Variants in ENPP6 observed in about 807,000 individuals in gnomAD.
ENPP6 encodes ectonucleotide pyrophosphatase/phosphodiesterase 6, also known as glycerophosphocholine cholinephosphodiesterase ENPP6.
A neutral mutation model predicts 42.0 loss-of-function variants in ENPP6; 32 were observed. The ratio of observed to expected loss-of-function variants is 0.76; its 90% CI spans 0.58 to 1.02. The LOEUF is 1.02. ENPP6 is among the 50% of genes least tolerant of loss of function. ENPP6 has a pLI of 0.00. For missense variants in ENPP6, 552 were observed against 566.8 expected (o/e 0.97, Z 0.27); for synonymous variants, 213 against 216.0 (o/e 0.99, Z 0.12).
At chr4:184,217,310 A>G (rs1449407832) in intron 1 of ENPP6, among the ~76,000 whole-genome samples, 1 of 152,200 alleles carries the variant, frequency 6.6e-6, no homozygotes, top group Non-Finnish European at 1.5e-5. Flanking sequence ...ACCACTTTTA[A>G]TATCGTCAAA....
intron 3 of ENPP6, among the ~76,000 whole-genome samples, chr4:184,122,018 C>A (rs1412931354): frequency 1.3e-5 from 2 of 152,170 alleles, no homozygotes; most frequent in East Asian, 1.9e-4. Flanking sequence ...TTATTCTTTT[C>A]TTTCTCACAT....
intron 1 of ENPP6, among the ~76,000 whole-genome samples, chr4:184,213,035 T>C (rs1371455979): frequency 1.3e-5 from 2 of 151,756 alleles, no homozygotes; most frequent in Non-Finnish European, 2.9e-5. Flanking sequence ...TGGCTAGCCA[T>C]ATGGAGAAAG....
At position 184,206,412 on chromosome 4, in the gene ENPP6, C is replaced by T. The variant is rs565053577; in HGVS notation, c.241+11167G>A. ...AGCTGGGACTACAGGCGGGCGCCAC[C>T]AGGCCCGGCTAATTTTTGTATTTTT... is the stretch of plus-strand genomic sequence containing the variant. On this transcript the variant is annotated intron_variant, in intron 1 of 7. Coordinates refer to ENST00000296741, the MANE Select transcript of ENPP6 (RefSeq NM_153343.4). 8.2e-4 allele frequency among the ~76,000 whole-genome samples: 88 copies of T among 107,906 alleles called. 7 individuals carry two copies. Among genetic ancestry groups the T allele is most frequent in the African/African-American group, 2.7e-3 (72 of 26,502 alleles). The allele number at this position is 107,906 out of a possible 152,430, so 70.8% of individuals were successfully genotyped here.
chr4:184,203,975 T>C (rs1732946403), intron 1 of ENPP6: 1 of 152,212 alleles, frequency 6.6e-6, no homozygotes. Flanking sequence ...ATCTAGTTTC[T>C]TACAGTTCTG....
chr4:184,202,660 A>G (rs899925259), intron 1 of ENPP6, among the ~76,000 whole-genome samples: 4 of 152,160 alleles, frequency 2.6e-5, no homozygotes, highest in African/African-American at 9.7e-5. Flanking sequence ...TGAGAGCAGC[A>G]TGTCTCATTT....
chr4:184,203,789 A>G (rs2111117524), intron 1 of ENPP6, among the ~76,000 whole-genome samples: 1 of 152,288 alleles, frequency 6.6e-6, no homozygotes, highest in Middle Eastern at 3.4e-3. Context: ...GACTGCCTCA[A>G]TTTCAGGGCA....
intron 2 of ENPP6, among the ~76,000 whole-genome samples, chr4:184,131,443 C>G (rs1736631537): frequency 6.6e-6 from 1 of 150,864 alleles, no homozygotes; most frequent in Non-Finnish European, 1.5e-5. Context: ...AATCTCTGCT[C>G]CTGGGTTCAA....
At chr4:184,128,918 T>C (rs569848935) in intron 2 of ENPP6, among the ~76,000 whole-genome samples, 1 of 152,284 alleles carries the variant, frequency 6.6e-6, no homozygotes, top group East Asian at 1.9e-4. Flanking sequence ...AAATTAGGAA[T>C]TAGTCATGAT....
chr4:184,137,098 G>C (rs1010476555), intron 2 of ENPP6, among the ~76,000 whole-genome samples: 1 of 152,032 alleles, frequency 6.6e-6, no homozygotes, highest in Non-Finnish European at 1.5e-5. Flanking sequence ...TTTTATCAGA[G>C]TTCTTTTTGT....
At chr4:184,091,548 C>T (rs565227135) in intron 7 of ENPP6, among the ~76,000 whole-genome samples, 166 bp from the exon 8 acceptor site, 7 of 152,088 alleles carry the variant, frequency 4.6e-5, no homozygotes, top group African/African-American at 1.4e-4. Context: ...GAAGGGTATC[C>T]GGAAGGCTGT....
chr4:184,101,294 G>A (rs1241983915), intron 6 of ENPP6, among the ~76,000 whole-genome samples: 9 of 144,652 alleles, frequency 6.2e-5, no homozygotes, highest in Non-Finnish European at 1.1e-4. Flanking sequence ...TAATGTTTAT[G>A]TGTGTGAGCT....
In ENPP6 at chr4:184,217,705, T is replaced by G. The variant is rs1733220413; in HGVS notation, c.115A>C (p.Ile39Leu). 8 of 1,614,198 alleles carry G rather than the reference T, an allele frequency of 5.0e-6. No homozygotes were observed. Among genetic ancestry groups the G allele is most frequent in the Non-Finnish European group, 5.9e-6 (7 of 1,180,028 alleles). Residue 39 changes from isoleucine to leucine, a missense_variant, in exon 1 of 8, where the codon ATC becomes CTC. Physicochemically the swap from Ile to Leu is conservative, Grantham distance 5 (BLOSUM62 2). This residue lies in a region of ENPP6 where 545 missense variants were observed against 546.3 expected (regional missense o/e 1.00). Transcript: ENST00000296741. The part of the protein sequence containing the change: ...FLLDGFRSDY[I>L]SDEALESLPG... ...AATGACTCCAGCGCCTCATCACTGA[T>G]GTAGTCTGAGCGAAAACCATCCAGC... is the stretch of plus-strand genomic sequence containing the variant.
intron 2 of ENPP6, among the ~76,000 whole-genome samples, chr4:184,148,324 C>T (rs1055045052): frequency 4.6e-5 from 7 of 152,174 alleles, no homozygotes; most frequent in African/African-American, 7.2e-5. Flanking sequence ...CTGGATTTCT[C>T]GTTAAAACTT....
At chr4:184,194,029 G>A (rs913777972) in intron 1 of ENPP6, among the ~76,000 whole-genome samples, 3 of 152,054 alleles carry the variant, frequency 2.0e-5, no homozygotes, top group African/African-American at 7.2e-5. Context: ...ATAGCTCTTT[G>A]CCTCTTCCTT....
At chr4:184,158,397 A>C (rs912103456) in intron 1 of ENPP6, among the ~76,000 whole-genome samples, 1 of 152,172 alleles carries the variant, frequency 6.6e-6, no homozygotes, top group East Asian at 1.9e-4. Context: ...CTATCTTAAT[A>C]ATCAGCGGGG....
chr4:184,170,858 C>T (rs892523732), intron 1 of ENPP6, among the ~76,000 whole-genome samples: 6 of 152,144 alleles, frequency 3.9e-5, no homozygotes, highest in African/African-American at 1.4e-4. Flanking sequence ...TATCAACCTG[C>T]ATGTAATGGT....
At chr4:184,115,559 G>A (rs1736298576) in intron 5 of ENPP6, among the ~76,000 whole-genome samples, 1 of 152,174 alleles carries the variant, frequency 6.6e-6, no homozygotes, top group African/African-American at 2.4e-5. Flanking sequence ...ACCCTCTGGT[G>A]GGGATCATCA....
rs183572994 is a variant in ENPP6, at chr4:184,195,619, C to T, written c.241+21960G>A. The stretch of plus-strand genomic sequence containing the variant: ...CCCGTCCCCACAGCCCCTGGCAACT[C>T]GCCTTCTACGCTCTGTCTCTGTGAA... On this transcript the variant is annotated intron_variant, in intron 1 of 7. Coordinates refer to ENST00000296741, the MANE Select transcript of ENPP6 (RefSeq NM_153343.4). 2.1e-4 allele frequency among the ~76,000 whole-genome samples: 32 copies of T among 152,316 alleles called. 1 individual carries two copies. The East Asian group carries it at 4.8e-3, about 23-fold the overall frequency.
chr4:184,113,958 T>TCTTTCTTTCTTTCTTC (rs1553995068), intron 5 of ENPP6, among the ~76,000 whole-genome samples: 3 of 147,492 alleles, frequency 2.0e-5, no homozygotes, highest in African/African-American at 7.5e-5. Context: ...TTTCTTTCTT[T>TCTTTCTTTCTTTCTTC]CTTTCTCTCT....
Sources: gnomAD v4.1 joint callset for allele counts (sites outside exome capture counted in the v4.1 genomes callset) on GRCh38, gnomAD v4.1.1 for gene constraint, gnomAD v4.1.1 regional missense constraint, MANE v1.5 for transcripts, NCBI Gene and HGNC (gene_info 2026-07-23, HGNC 2026-07-21) for gene names.